The following HEATR4 variants were observed in gnomAD, a reference collection of about 807,000 sequenced individuals.
The protein encoded by HEATR4 is HEAT repeat-containing protein 4.
A neutral mutation model predicts 108.8 loss-of-function variants in HEATR4; 95 were observed. The ratio of observed to expected loss-of-function variants is 0.87; its 90% confidence interval spans 0.74 to 1.04. HEATR4 has a LOEUF of 1.04. Ranked by LOEUF, HEATR4 falls within the 50% of genes least tolerant of loss-of-function variation. The pLI is 0.00. For missense variants in HEATR4, 1,152 were observed against 1,253.8 expected, an observed-to-expected ratio of 0.92 and a Z score of 1.23; for synonymous variants, 443 against 459.4, an observed-to-expected ratio of 0.96 and a Z score of 0.46.
chr14:73,620,442 G>C, the HEATR4 span, among the ~76,000 whole-genome samples: 1 of 152,138 alleles, frequency 6.6e-6, no homozygotes, highest in African/African-American at 2.4e-5. Context: ...CTTTGGCCTC[G>C]TGTTCCCTTT....
chr14:73,570,994 T>A, the HEATR4 span, among the ~76,000 whole-genome samples: 88 of 140,946 alleles, frequency 6.2e-4, 2 homozygotes, highest in South Asian at 4.5e-3. Context: ...TTTTTTTAAA[T>A]AAGAATTCCG....
In HEATR4 at chr14:73,545,176, G is replaced by A. The variant is rs1889214013; in HGVS notation, c.-152+13575C>T. Among the ~76,000 whole-genome samples the A allele has an allele frequency of 1.9e-5, 2 of 104,768 alleles. 1 individual carries two copies. Among genetic ancestry groups the A allele is most frequent in the South Asian group, 6.3e-4 (2 of 3,188 alleles). The allele number at this position is 104,768 out of a possible 152,430, so 68.7% of individuals were successfully genotyped here. ...TAGGTTTAAGCTATTCTCCCACCTC[G>A]GCCTCCCTAGCAGCTGAGACCACAC... On this transcript the variant is annotated intron_variant, in intron 1 of 17. Coordinates refer to ENST00000553558, the MANE Select transcript of HEATR4 (RefSeq NM_001220484.1).
chr14:73,491,745 C>T (rs1274571481), intron 17 of HEATR4: 16 of 1,556,544 alleles, frequency 1.0e-5, no homozygotes, highest in Non-Finnish European at 1.4e-5. Context: ...GGACTTTTCT[C>T]TACCGCTGAC....
chr14:73,514,043 C>A lies in HEATR4; in HGVS notation c.1402G>T (p.Ala468Ser), dbSNP rs1887435546. The stretch of plus-strand genomic sequence containing the variant: ...TCCCTTCACTCACTCAGAGCCCAGG[C>A]AGTCTTCCATTCCTTCAGCATCCTC... ...LRRMLKEWKT[A>S]WALIIEWHHE... is the part of the protein sequence containing the mutation. Residue 468 changes from alanine (A) to serine (S), a missense_variant, in exon 6 of 18, where the codon GCC (alanine) becomes TCC (serine). Ala to Ser is a moderately conservative substitution (Grantham distance 99). Coordinates refer to ENST00000553558, the MANE Select transcript of HEATR4 (RefSeq NM_001220484.1). 4.3e-6 allele frequency: 7 copies of A among 1,614,066 alleles called. No individual in the cohort carries two copies. The highest frequency in any genetic ancestry group is 1.1e-5 in the South Asian group (1 of 91,090).
At chr14:73,507,467 T>C (rs1886930504) in intron 9 of HEATR4, among the ~76,000 whole-genome samples, 1 of 152,078 alleles carries the variant, frequency 6.6e-6, no homozygotes, top group Non-Finnish European at 1.5e-5. Flanking sequence ...AGGGTCTTGC[T>C]CTGTCGCTCA....
the HEATR4 span, among the ~76,000 whole-genome samples, chr14:73,567,173 G>A: frequency 5.9e-5 from 9 of 152,166 alleles, no homozygotes; most frequent in Admixed American, 5.2e-4. Flanking sequence ...CTGGCCTTAA[G>A]CAACCCTGCC....
At chr14:73,561,249 C>T (rs1030909400), upstream of HEATR4, among the ~76,000 whole-genome samples, 1 of 151,830 alleles carries the variant, frequency 6.6e-6, no homozygotes, top group African/African-American at 2.4e-5. Flanking sequence ...GCCTGTAATC[C>T]CAGCTACTCA....
chr14:73,524,809 C>A (rs1888227858), intron 2 of HEATR4, among the ~76,000 whole-genome samples: 1 of 151,820 alleles, frequency 6.6e-6, no homozygotes, highest in Admixed American at 6.6e-5. Context: ...AAGGAGAGAC[C>A]ATTATTCCAT....
At chr14:73,567,304 G>T in the HEATR4 span, among the ~76,000 whole-genome samples, 2 of 152,088 alleles carry the variant, frequency 1.3e-5, no homozygotes, top group African/African-American at 2.4e-5. Context: ...TACTGATAGG[G>T]TTCTTGTAAG....
At chr14:73,581,530 CTTG>C in the HEATR4 span, 4 of 151,814 alleles carry the variant, frequency 2.6e-5, no homozygotes, top group African/African-American at 9.7e-5. Flanking sequence ...ACAATCCCAT[CTTG>C]TTGGGAGGAA....
At chr14:73,598,209 T>TAA in the HEATR4 span, among the ~76,000 whole-genome samples, 1 of 15,384 alleles carries the variant, frequency 6.5e-5, no homozygotes, top group Non-Finnish European at 1.1e-4. Context: ...CCGTCTCTAC[T>TAA]AAAAATACAA....
the HEATR4 span, chr14:73,573,283 A>T: frequency 6.6e-7 from 1 of 1,507,038 alleles, no homozygotes; most frequent in Non-Finnish European, 9.2e-7. Flanking sequence ...GATACCTAGG[A>T]GTGGGATTGC....
chr14:73,518,934 G>A, intron 5 of HEATR4, 89 bp downstream of exon 5: 2 of 1,323,260 alleles, frequency 1.5e-6, no homozygotes, highest in South Asian at 3.0e-5. Context: ...CATGAACTGG[G>A]AGCTCTAGCA....
the HEATR4 span, among the ~76,000 whole-genome samples, chr14:73,575,810 A>G: frequency 6.6e-6 from 1 of 151,882 alleles, no homozygotes; most frequent in Admixed American, 6.6e-5. Flanking sequence ...AGTAACATCA[A>G]TTAACAGTGT....
chr14:73,618,190 A>G, the HEATR4 span, among the ~76,000 whole-genome samples: 1 of 152,186 alleles, frequency 6.6e-6, no homozygotes, highest in African/African-American at 2.4e-5. Context: ...TGGTATAATT[A>G]AAAATGGAAT....
chr14:73,573,841 C>T, the HEATR4 span, among the ~76,000 whole-genome samples: 1 of 152,010 alleles, frequency 6.6e-6, no homozygotes, highest in Non-Finnish European at 1.5e-5. Flanking sequence ...ATTCTTGTGC[C>T]CCACCCTCCC....
the HEATR4 span, among the ~76,000 whole-genome samples, chr14:73,606,530 C>G: frequency 6.6e-6 from 1 of 152,122 alleles, no homozygotes; most frequent in Non-Finnish European, 1.5e-5. Context: ...CTAGCAGTGG[C>G]CAAGGTGAAC....
chr14:73,600,596 C>A, the HEATR4 span, among the ~76,000 whole-genome samples: 3 of 151,898 alleles, frequency 2.0e-5, no homozygotes, highest in Non-Finnish European at 4.4e-5. Flanking sequence ...GGATTACAGG[C>A]ACCCACCACC....
the HEATR4 span, among the ~76,000 whole-genome samples, chr14:73,628,710 G>A: frequency 6.6e-6 from 1 of 150,630 alleles, no homozygotes; most frequent in Non-Finnish European, 1.5e-5. Context: ...CTGAGATCGG[G>A]CCATTGCACT....
Sources: gnomAD v4.1 joint callset for allele counts (sites outside exome capture counted in the v4.1 genomes callset) on GRCh38, gnomAD v4.1.1 for gene constraint, MANE v1.5 for transcripts, NCBI Gene and HGNC (gene_info 2026-07-23, HGNC 2026-07-21) for gene names.